The following NEGR1 variants were observed in gnomAD, a reference collection of about 807,000 sequenced individuals.
NEGR1 encodes the protein neuronal growth regulator 1.
NEGR1 carries 10 observed loss-of-function variants against 40.9 expected under a neutral mutation model. The observed-to-expected ratio is 0.24, with a 90% CI of 0.15 to 0.42. The LOEUF (loss-of-function observed/expected upper bound fraction) is 0.42. NEGR1 is among the 10% of genes least tolerant of loss of function. NEGR1 has a pLI of 1.00. For synonymous variants in NEGR1, 185 were observed against 166.8 expected (o/e 1.11, Z -0.84); for missense variants, 352 against 438.9 (o/e 0.80, Z 1.77).
At chr1:71,576,120 G>A (rs1648958749) in intron 6 of NEGR1, among the ~76,000 whole-genome samples, 1 of 152,148 alleles carries the variant, frequency 6.6e-6, no homozygotes. Context: ...GAACTTGAGA[G>A]TTCTTCCCAG....
At chr1:72,152,899 T>C (rs138850618) in intron 1 of NEGR1, among the ~76,000 whole-genome samples, 2,784 of 152,026 alleles carry the variant, frequency 0.018, 39 homozygotes, top group Non-Finnish European at 0.026. Context: ...CTAAATACCA[T>C]GTGTTCTTAC....
rs1019464310 is a variant in NEGR1 at position 71,405,223 on chromosome 1, A to C, written c.*2223T>G. 2 of 152,264 alleles carry C rather than the reference A, an allele frequency of 1.3e-5. No individual in the cohort carries two copies. The highest frequency in any genetic ancestry group is 3.0e-5 in the Non-Finnish European group (2 of 67,788). 9.4% of individuals were successfully genotyped at this position (152,264 alleles called of 1,614,324 possible). A position where few individuals can be genotyped will look rare whatever the true frequency, so the allele number is the denominator to read the frequency against. On this transcript the variant is annotated 3_prime_UTR_variant, in exon 7 of 7. Transcript: ENST00000357731. ...ATTATTTGGTTCATCCATAGTTTAT[A>C]CCTCAATTTACCTACAAACCTTACA...
chr1:71,607,950 G>A (rs936880256), intron 5 of NEGR1, among the ~76,000 whole-genome samples: 5 of 152,180 alleles, frequency 3.3e-5, no homozygotes, highest in Non-Finnish European at 7.3e-5. Flanking sequence ...GCCTTCCAAA[G>A]TTCTGGGATT....
Position 72,138,480 on chromosome 1 carries a change from A to G in NEGR1, c.176+143839T>C, listed in dbSNP as rs540961740. On this transcript the variant is annotated intron_variant, in intron 1 of 6. Transcript: ENST00000357731. The stretch of plus-strand genomic sequence containing the variant: ...GCCAAATATGTGCTGCCAAGAAGAA[A>G]TATACTTTAAATAGAAAGACATAAA... Among the ~76,000 whole-genome samples the G allele has an allele frequency of 9.9e-5, 15 of 152,064 alleles. No individual in the cohort carries two copies. The South Asian group carries it at 2.9e-3, about 29-fold the overall frequency.
chr1:71,703,360 CAAAACA>C (rs1653764595), intron 3 of NEGR1: 1 of 150,976 alleles, frequency 6.6e-6, no homozygotes. Context: ...TTTAAGGGAA[CAAAACA>C]AAATCTAAAC....
chr1:72,249,526 A>C (rs1655015845), intron 1 of NEGR1, among the ~76,000 whole-genome samples: 2 of 152,204 alleles, frequency 1.3e-5, no homozygotes, highest in African/African-American at 4.8e-5. Flanking sequence ...GGAAATATGA[A>C]GTCAAGCTTC....
At chr1:71,495,863 T>G (rs921061434) in intron 6 of NEGR1, among the ~76,000 whole-genome samples, 6 of 152,198 alleles carry the variant, frequency 3.9e-5, no homozygotes, top group African/African-American at 1.4e-4. Context: ...AACAGTTCTA[T>G]CAACATGTTT....
chr1:71,935,634 T>C (rs1645898743), intron 1 of NEGR1, among the ~76,000 whole-genome samples: 1 of 152,048 alleles, frequency 6.6e-6, no homozygotes, highest in Admixed American at 6.6e-5. Flanking sequence ...AAAGCTAAAT[T>C]AGTTTACACA....
chr1:72,253,152 A>G (rs1198155921), intron 1 of NEGR1, among the ~76,000 whole-genome samples: 1 of 152,154 alleles, frequency 6.6e-6, no homozygotes, highest in Non-Finnish European at 1.5e-5. Flanking sequence ...TGATGGACAG[A>G]GGGTTTTTTT....
chr1:71,825,067 C>T (rs909625287), intron 2 of NEGR1, among the ~76,000 whole-genome samples: 1 of 151,918 alleles, frequency 6.6e-6, no homozygotes, highest in Non-Finnish European at 1.5e-5. Flanking sequence ...TTATAAGAAA[C>T]TACCAAACTA....
intron 1 of NEGR1, among the ~76,000 whole-genome samples, chr1:72,124,348 A>G (rs1649926437): frequency 1.3e-5 from 2 of 151,954 alleles, no homozygotes; most frequent in South Asian, 2.1e-4. Flanking sequence ...CTTACCCACA[A>G]AGATTTTGGA....
At chr1:72,221,544 T>C (rs991392956) in intron 1 of NEGR1, among the ~76,000 whole-genome samples, 1 of 152,248 alleles carries the variant, frequency 6.6e-6, no homozygotes, top group African/African-American at 2.4e-5. Flanking sequence ...CATTTCCTAA[T>C]TTTTTTCTGT....
chr1:72,185,654 G>T (rs1247665740), intron 1 of NEGR1, among the ~76,000 whole-genome samples: 1 of 151,758 alleles, frequency 6.6e-6, no homozygotes, highest in Non-Finnish European at 1.5e-5. Context: ...ATGGGGGAGC[G>T]ACTAGATGAA....
intron 1 of NEGR1, among the ~76,000 whole-genome samples, chr1:72,010,150 G>A (rs1215194321): frequency 1.3e-5 from 2 of 152,108 alleles, no homozygotes; most frequent in Non-Finnish European, 2.9e-5. Context: ...GTCAAAACAG[G>A]TGTTTGGTTT....
At chr1:71,440,258 A>C (rs1646537873) in intron 6 of NEGR1, among the ~76,000 whole-genome samples, 1 of 152,218 alleles carries the variant, frequency 6.6e-6, no homozygotes, top group Admixed American at 6.5e-5. Context: ...TGATGTGAGA[A>C]ATACTGAATT....
chr1:71,624,606 T>A (rs1650707759), intron 4 of NEGR1, among the ~76,000 whole-genome samples: 1 of 151,988 alleles, frequency 6.6e-6, no homozygotes, highest in Admixed American at 6.6e-5. Context: ...TATTTCAAAT[T>A]GGTGGAACAC....
At chr1:72,116,783 ATTAT>A (rs1649597735) in intron 1 of NEGR1, among the ~76,000 whole-genome samples, 1 of 151,728 alleles carries the variant, frequency 6.6e-6, no homozygotes, top group African/African-American at 2.4e-5. Flanking sequence ...AAGTGTTTAC[ATTAT>A]TTATTTTCAT....
chr1:71,958,819 G>A (rs1369230203), intron 1 of NEGR1, among the ~76,000 whole-genome samples: 1 of 152,184 alleles, frequency 6.6e-6, no homozygotes, highest in East Asian at 1.9e-4. Flanking sequence ...GCTGGGCGTG[G>A]TGGCAGGTGC....
chr1:71,813,716 A>C (rs2101765918), intron 2 of NEGR1, among the ~76,000 whole-genome samples: 1 of 152,198 alleles, frequency 6.6e-6, no homozygotes, highest in Non-Finnish European at 1.5e-5. Flanking sequence ...GAGTTCATTC[A>C]AGATCTGACT....
Sources: allele counts gnomAD v4.1 joint callset (sites outside exome capture counted in the v4.1 genomes callset), GRCh38; gene constraint gnomAD v4.1.1; transcripts MANE v1.5; gene names NCBI Gene and HGNC (gene_info 2026-07-23, HGNC 2026-07-21).